The following LRP1B variants were observed in gnomAD, a reference collection of about 807,000 sequenced individuals.
The protein encoded by LRP1B is low-density lipoprotein receptor-related protein 1B.
LRP1B carries 217 observed loss-of-function variants against 556.6 expected under a neutral mutation model. The ratio of observed to expected loss-of-function variants is 0.39; its 90% confidence interval spans 0.35 to 0.44. The LOEUF (loss-of-function observed/expected upper bound fraction) is 0.44. Ranked by LOEUF, LRP1B falls within the 20% of genes least tolerant of loss-of-function variation. The pLI, the probability that LRP1B is intolerant of heterozygous loss-of-function variation, is 1.00. For synonymous variants in LRP1B, 2,047 were observed against 1,865.8 expected (o/e 1.10, Z -2.50); for missense variants, 5,053 against 5,620.8 (o/e 0.90, Z 3.23).
chr2:140,454,395 C>A (rs1687010721), intron 62 of LRP1B, among the ~76,000 whole-genome samples: 1 of 152,152 alleles, frequency 6.6e-6, no homozygotes, highest in Non-Finnish European at 1.5e-5. Context: ...AAGTGATCCA[C>A]CTGCCTCGTT....
intron 32 of LRP1B, among the ~76,000 whole-genome samples, chr2:140,796,131 TATAA>T (rs1335116515): frequency 2.6e-5 from 4 of 152,182 alleles, no homozygotes; most frequent in Admixed American, 6.5e-5. Flanking sequence ...TTTTAAATAA[TATAA>T]ATAGTGAACA....
At chr2:141,898,237 G>A (rs1699512395) in intron 1 of LRP1B, among the ~76,000 whole-genome samples, 1 of 151,962 alleles carries the variant, frequency 6.6e-6, no homozygotes, top group African/African-American at 2.4e-5. Context: ...ATTTCTCTGT[G>A]CCTCCCTCAA....
At chr2:141,459,254 T>C (rs929257767) in intron 3 of LRP1B, among the ~76,000 whole-genome samples, 8 of 152,088 alleles carry the variant, frequency 5.3e-5, no homozygotes, top group Non-Finnish European at 1.0e-4. Context: ...TGTATGTATA[T>C]GTGTGTGACC....
rs536210880 is a variant in LRP1B at position 141,752,189 on chromosome 2, T to C, written c.205+58090A>G. On this transcript the variant is annotated intron_variant, in intron 2 of 90. Coordinates refer to ENST00000389484, the MANE Select transcript of LRP1B (RefSeq NM_018557.3). ...TACTAATTTTATATTTAATGGCATC[T>C]ATAAATGTCTTTATGCAGGAAGTTT... 4.0e-4 allele frequency among the ~76,000 whole-genome samples: 61 copies of C among 152,328 alleles called. 1 individual carries two copies. The South Asian group carries it at 0.012, about 31-fold the overall frequency.
intron 23 of LRP1B, among the ~76,000 whole-genome samples, chr2:140,902,688 T>G (rs1057069490): frequency 6.6e-6 from 1 of 152,184 alleles, no homozygotes; most frequent in Non-Finnish European, 1.5e-5. Flanking sequence ...ATAAAATCAA[T>G]GTTTCGGGAA....
chr2:141,804,124 A>C (rs1393720874), intron 2 of LRP1B, among the ~76,000 whole-genome samples: 2 of 152,184 alleles, frequency 1.3e-5, no homozygotes, highest in African/African-American at 2.4e-5. Flanking sequence ...GGCCTTCCAT[A>C]ATTTTCAAAT....
At chr2:140,510,912 C>T (rs1689624197) in intron 51 of LRP1B, among the ~76,000 whole-genome samples, 2 of 151,986 alleles carry the variant, frequency 1.3e-5, no homozygotes, top group South Asian at 2.1e-4. Flanking sequence ...AGTCCCTGTG[C>T]AGTTACATAC....
chr2:140,450,891 A>G (rs559218427), intron 62 of LRP1B, among the ~76,000 whole-genome samples: 5 of 152,246 alleles, frequency 3.3e-5, no homozygotes, highest in South Asian at 4.1e-4. Context: ...AACACAGACA[A>G]TCTCTCACAT....
At chr2:140,600,888 G>C (rs1350244119) in intron 42 of LRP1B, among the ~76,000 whole-genome samples, 1 of 135,024 alleles carries the variant, frequency 7.4e-6, no homozygotes, top group Non-Finnish European at 1.6e-5. Context: ...ATTTTCTTTT[G>C]TCATGAAATT....
chr2:142,049,549 T>C (rs962287628), intron 1 of LRP1B, among the ~76,000 whole-genome samples: 25 of 152,074 alleles, frequency 1.6e-4, no homozygotes, highest in African/African-American at 6.0e-4. Flanking sequence ...CTCCTTGAGG[T>C]ATTACAGTGT....
At chr2:140,334,712 T>C (rs1168834006) in intron 78 of LRP1B, among the ~76,000 whole-genome samples, 153 bp from the exon 79 acceptor site, 1 of 152,014 alleles carries the variant, frequency 6.6e-6, no homozygotes, top group African/African-American at 2.4e-5. Context: ...AATGAGAACC[T>C]CCAATAAATG....
intron 41 of LRP1B, among the ~76,000 whole-genome samples, chr2:140,612,463 T>G (rs1021419202): frequency 6.6e-6 from 1 of 152,154 alleles, no homozygotes; most frequent in Non-Finnish European, 1.5e-5. Context: ...ATGACTTAAA[T>G]TTGATTTATC....
intron 66 of LRP1B, among the ~76,000 whole-genome samples, chr2:140,400,415 T>A (rs1431834936): frequency 6.6e-6 from 1 of 152,204 alleles, no homozygotes; most frequent in African/African-American, 2.4e-5. Flanking sequence ...ACATACCTGA[T>A]AATGTACCCT....
chr2:141,614,080 CAAAAAA>C (rs550183140), intron 2 of LRP1B, among the ~76,000 whole-genome samples: 6 of 47,354 alleles, frequency 1.3e-4, no homozygotes, highest in East Asian at 6.3e-4. Context: ...AACTCAGCCT[CAAAAAA>C]AAAAAAAAAA....
At chr2:140,284,423 GATTTCTATCTCAGAT>G (rs1315129238) in intron 84 of LRP1B, among the ~76,000 whole-genome samples, 1 of 147,894 alleles carries the variant, frequency 6.8e-6, no homozygotes, top group Non-Finnish European at 1.5e-5. Context: ...TCATGAAAAA[GATTTCTATCTCAGAT>G]GAGAGCATCA....
At chr2:142,016,916 ATGTATATG>A (rs1403740174) in intron 1 of LRP1B, among the ~76,000 whole-genome samples, 2 of 149,660 alleles carry the variant, frequency 1.3e-5, no homozygotes, top group Non-Finnish European at 3.0e-5. Flanking sequence ...ATATGTATAT[ATGTATATG>A]TATGTATATA....
chr2:141,279,818 G>T (rs1202234091), intron 3 of LRP1B, among the ~76,000 whole-genome samples: 3 of 152,048 alleles, frequency 2.0e-5, no homozygotes, highest in Non-Finnish European at 2.9e-5. Flanking sequence ...AAACATGTTG[G>T]TGAAGATAAG....
chr2:140,245,873 T>C (rs1322653017), intron 87 of LRP1B, among the ~76,000 whole-genome samples: 1 of 151,326 alleles, frequency 6.6e-6, no homozygotes, highest in Non-Finnish European at 1.5e-5. Context: ...TTCCCTGACC[T>C]AAGGAGAGCA....
At position 140,776,155 on chromosome 2, in the gene LRP1B, G is replaced by T. The variant is rs368233927; in HGVS notation, c.5443C>A (p.Arg1815=). The change falls in exon 33 of 91, where the codon CGG becomes AGG. Residue 1815 remains arginine (R), a synonymous_variant. Transcript: ENST00000389484. ...KRDGRNPTIL[R]NKTSGVVHMK... ...TGAACTACCCCAGAAGTCTTATTCC[G>T]TAGGATGGTGGGGTTTCTTCCGTCT... 3.5e-5 allele frequency: 55 copies of T among 1,593,906 alleles called. No individual in the cohort carries two copies. Among genetic ancestry groups the T allele is most frequent in the Non-Finnish European group, 4.6e-5 (54 of 1,171,808 alleles).
Sources: gnomAD v4.1 joint callset for allele counts (sites outside exome capture counted in the v4.1 genomes callset) on GRCh38, gnomAD v4.1.1 for gene constraint, MANE v1.5 for transcripts, NCBI Gene and HGNC (gene_info 2026-07-23, HGNC 2026-07-21) for gene names.